Variants in CRYZL1 observed in about 807,000 individuals in gnomAD.
CRYZL1 encodes the protein crystallin zeta like 1.
Under a neutral mutation model 50.6 loss-of-function variants are expected in CRYZL1, and 34 were observed. The observed-to-expected ratio is 0.67, with a 90% confidence interval of 0.51 to 0.89. The LOEUF (loss-of-function observed/expected upper bound fraction) is 0.89. Ranked by LOEUF, CRYZL1 falls within the 40% of genes least tolerant of loss-of-function variation. CRYZL1 has a pLI of 0.00. For synonymous variants in CRYZL1, 125 were observed against 134.3 expected, an observed-to-expected ratio of 0.93 and a Z score of 0.48; for missense variants, 354 against 402.3, an observed-to-expected ratio of 0.88 and a Z score of 1.03.
At chr21:33,640,520 G>A (rs1176540689) in intron 1 of CRYZL1, among the ~76,000 whole-genome samples, 1 of 152,010 alleles carries the variant, frequency 6.6e-6, no homozygotes, top group East Asian at 1.9e-4. Context: ...TCAGAGGGTT[G>A]CCATAAGGAT....
intron 9 of CRYZL1, among the ~76,000 whole-genome samples, chr21:33,598,623 A>C (rs2086719431): frequency 1.3e-5 from 2 of 152,186 alleles, no homozygotes; most frequent in Non-Finnish European, 2.9e-5. Flanking sequence ...AGGCATGAGA[A>C]TGATGCTGTG....
chr21:33,594,420 A>C (rs764218697), intron 11 of CRYZL1: 1 of 151,824 alleles, frequency 6.6e-6, no homozygotes, highest in Non-Finnish European at 1.5e-5. Context: ...TCGGCCTCCC[A>C]AAGTGCTGGG....
Position 33,605,530 on chromosome 21 carries a change from C to CTTTTTTTTTTTTTTTTTTT in CRYZL1, c.332-1994_332-1993insAAAAAAAAAAAAAAAAAAA, listed in dbSNP as rs146096008. ...GTAATTTTTCCGCAGTACAAGAATT[C>CTTTTTTTTTTTTTTTTTTT]TTTTTTTTTTGAGATGGAGTCTCAC... On this transcript the variant is annotated intron_variant, in intron 6 of 12. Transcript: ENST00000381554. 1.7e-3 allele frequency among the ~76,000 whole-genome samples: 93 copies of CTTTTTTTTTTTTTTTTTTT among 53,196 alleles called. 38 individuals carry two copies. Among genetic ancestry groups the CTTTTTTTTTTTTTTTTTTT allele is most frequent in the South Asian group, 3.6e-3 (4 of 1,098 alleles). The allele number at this position is 53,196 out of a possible 152,430, so 34.9% of individuals were successfully genotyped here. A position where few individuals can be genotyped will look rare whatever the true frequency, so the allele number is the denominator to read the frequency against.
intron 6 of CRYZL1, among the ~76,000 whole-genome samples, chr21:33,612,374 C>A (rs1456726947): frequency 6.6e-6 from 1 of 151,834 alleles, no homozygotes; most frequent in Non-Finnish European, 1.5e-5. Flanking sequence ...GTAACCTCCA[C>A]CTCCCGGGTT....
chr21:33,622,235 G>A (rs939827010), intron 3 of CRYZL1, among the ~76,000 whole-genome samples, 167 bp from the exon 4 acceptor site: 1 of 152,192 alleles, frequency 6.6e-6, no homozygotes, highest in African/African-American at 2.4e-5. Context: ...TTTCTCTAAA[G>A]GGTAGGAAAC....
At chr21:33,629,104 A>G (rs1229074843) in intron 2 of CRYZL1, among the ~76,000 whole-genome samples, 1 of 151,200 alleles carries the variant, frequency 6.6e-6, no homozygotes, top group Non-Finnish European at 1.5e-5. Flanking sequence ...ACATGGTGGC[A>G]CATGTCTGTA....
At chr21:33,635,716 T>TG (rs79795887) in intron 1 of CRYZL1, among the ~76,000 whole-genome samples, 151,894 of 151,896 alleles carry the variant, frequency 1, 75,946 homozygotes, top group Middle Eastern at 1. Context: ...CCGGGCATGG[T>TG]GCTCACGCCT....
At position 33,593,704 on chromosome 21, in the gene CRYZL1, C is replaced by T. The variant is rs538746496; in HGVS notation, c.904+2027G>A. ...AAGATTCAAAACTAATAGCTACAGC[C>T]GGGAGTGGTGGCCCATGCCTGTAAT... On this transcript the variant is annotated intron_variant, in intron 11 of 12. Coordinates refer to ENST00000381554, the MANE Select transcript of CRYZL1 (RefSeq NM_145858.3). Among the ~76,000 whole-genome samples, 14 of 152,050 alleles carry T rather than the reference C, an allele frequency of 9.2e-5. No individual in the cohort carries two copies. In the South Asian group the frequency reaches 1.7e-3, roughly 18 times the overall value.
In CRYZL1 at chr21:33,592,506, G is replaced by A. The variant is rs78201130; in HGVS notation, c.905-1299C>T. ...AACCCTCAGATACAGGGGGCTGATCGTATGTCACTAAGAGAATCAGAAAAT... is the reference window on the plus strand; with the variant it reads ...AACCCTCAGATACAGGGGGCTGATCATATGTCACTAAGAGAATCAGAAAAT... On this transcript the variant is annotated intron_variant, in intron 11 of 12. Transcript: ENST00000381554. Among the ~76,000 whole-genome samples the A allele has an allele frequency of 3.4e-3, 514 of 152,214 alleles. 3 individuals carry two copies. Among genetic ancestry groups the A allele is most frequent in the African/African-American group, 0.012 (492 of 41,512 alleles).
At position 33,616,686 on chromosome 21, in the gene CRYZL1, G is replaced by A. The variant is rs751793190; in HGVS notation, c.262+20C>T. 26 of 1,609,634 alleles carry A rather than the reference G, an allele frequency of 1.6e-5. No individual in the cohort carries two copies. Among genetic ancestry groups the A allele is most frequent in the African/African-American group, 2.7e-5 (2 of 74,738 alleles). ...CGGTAAAATAGATGACTTGAAATAAGACTATGAACTATAACTTACCAACTA... is the reference window on the plus strand; with the variant it reads ...CGGTAAAATAGATGACTTGAAATAAAACTATGAACTATAACTTACCAACTA... On this transcript the variant is annotated intron_variant, in intron 5 of 12. Coordinates refer to ENST00000381554, the MANE Select transcript of CRYZL1 (RefSeq NM_145858.3).
At chr21:33,590,274 C>T (rs1319169896) in intron 12 of CRYZL1, among the ~76,000 whole-genome samples, 1 of 152,132 alleles carries the variant, frequency 6.6e-6, no homozygotes, top group Admixed American at 6.5e-5. Context: ...ACCTTAGCCT[C>T]CCAAAGTGCT....
chr21:33,631,562 A>C lies in CRYZL1; in HGVS notation c.-6-5T>G. On this transcript the variant is annotated splice_polypyrimidine_tract_variant and splice_region_variant and intron_variant, in intron 1 of 12. Transcript: ENST00000381554. ...ATATAAGCCTTTCATAGTCACCTAAAAATAAATATATATAAATGAAATAAA... is the reference window on the plus strand; with the variant it reads ...ATATAAGCCTTTCATAGTCACCTAACAATAAATATATATAAATGAAATAAA... The C allele has an allele frequency of 2.8e-6, 4 of 1,454,270 alleles. No homozygotes were observed. Among genetic ancestry groups the C allele is most frequent in the Non-Finnish European group, 3.6e-6 (4 of 1,096,028 alleles). 90.1% of individuals were successfully genotyped at this position (1,454,270 alleles called of 1,614,324 possible). A position where few individuals can be genotyped will look rare whatever the true frequency, so the allele number is the denominator to read the frequency against.
chr21:33,602,082 C>T, intron 8 of CRYZL1, 152 bp downstream of exon 8: 3 of 551,656 alleles, frequency 5.4e-6, no homozygotes, highest in Non-Finnish European at 3.3e-6. Flanking sequence ...TCAAGCAATC[C>T]TCCCATCCTG....
At chr21:33,621,900 G>A in intron 4 of CRYZL1, 96 bp downstream of exon 4, 1 of 706,412 alleles carries the variant, frequency 1.4e-6, no homozygotes, top group South Asian at 2.1e-5. Flanking sequence ...AATTTGAAAG[G>A]CTGTATATAA....
chr21:33,637,021 C>G lies in CRYZL1; in HGVS notation c.-7+4660G>C, dbSNP rs546244092. The stretch of plus-strand genomic sequence containing the variant: ...TTCTTAGTTGTAAATAAAACCTCTA[C>G]AAATCATTCCTTACCTACACTTTCA... On this transcript the variant is annotated intron_variant, in intron 1 of 12. Coordinates refer to ENST00000381554, the MANE Select transcript of CRYZL1 (RefSeq NM_145858.3). Among the ~76,000 whole-genome samples, 13 of 152,260 alleles carry G rather than the reference C, an allele frequency of 8.5e-5. No homozygotes were observed. In the East Asian group the frequency reaches 2.3e-3, roughly 27 times the overall value.
intron 11 of CRYZL1, among the ~76,000 whole-genome samples, chr21:33,592,983 C>T (rs985358331): frequency 4.0e-5 from 6 of 148,326 alleles, no homozygotes; most frequent in Non-Finnish European, 8.9e-5. Flanking sequence ...ACCTGGGAGG[C>T]AGAGGTTGCA....
At chr21:33,593,051 CAA>C (rs766943166) in intron 11 of CRYZL1, among the ~76,000 whole-genome samples, 44 of 93,764 alleles carry the variant, frequency 4.7e-4, no homozygotes, top group Admixed American at 6.8e-4. Flanking sequence ...GACTCTATCT[CAA>C]AAAAAAAAAA....
chr21:33,589,612 G>A lies in CRYZL1; in HGVS notation c.*210C>T. 1.9e-6 allele frequency: 1 copy of A among 524,330 alleles called. No individual in the cohort carries two copies. Among genetic ancestry groups the A allele is most frequent in the South Asian group, 3.0e-5 (1 of 33,610 alleles). 32.5% of individuals were successfully genotyped at this position (524,330 alleles called of 1,614,324 possible). On this transcript the variant is annotated 3_prime_UTR_variant, in exon 13 of 13. Coordinates refer to ENST00000381554, the MANE Select transcript of CRYZL1 (RefSeq NM_145858.3). ...GTTTTTAGAAAAATTCCCTTAAGAT[G>A]TTAATTATAGAATTATCTTGATCAT...
At chr21:33,635,923 G>C (rs1358640032) in intron 1 of CRYZL1, among the ~76,000 whole-genome samples, 1 of 152,130 alleles carries the variant, frequency 6.6e-6, no homozygotes, top group Non-Finnish European at 1.5e-5. Flanking sequence ...AGAGGTTGCA[G>C]TGAGCTGAGA....
Sources: allele counts gnomAD v4.1 joint callset (sites outside exome capture counted in the v4.1 genomes callset), GRCh38; gene constraint gnomAD v4.1.1; transcripts MANE v1.5; gene names NCBI Gene and HGNC (gene_info 2026-07-23, HGNC 2026-07-21).